ADAP1: variants seen among roughly 807,000 people sequenced by gnomAD.
The protein encoded by ADAP1 is arf-GAP with dual PH domain-containing protein 1.
In ADAP1, 31 loss-of-function variants were observed where a neutral mutation model predicts 54.9. The ratio of observed to expected loss-of-function variants is 0.56; its 90% CI spans 0.42 to 0.76. The LOEUF is 0.76. ADAP1 is among the 30% of genes least tolerant of loss of function. The pLI is 0.00. For missense variants in ADAP1, 535 were observed against 512.4 expected (o/e 1.04, Z -0.42); for synonymous variants, 313 against 202.6 (o/e 1.55, Z -4.63).
In ADAP1 at chr7:935,675, C is replaced by CA. The variant is rs369893951; in HGVS notation, c.83-171_83-170insT. ...CCACAGGCACCTAACCCCAGCTCCC[C>CA]CCCCGCCCTCTGCCCGGTGCAGACG... On this transcript the variant is annotated intron_variant, in intron 1 of 10. Transcript: ENST00000265846. 4.1e-3 allele frequency among the ~76,000 whole-genome samples: 629 copies of CA among 151,618 alleles called. 3 individuals are homozygous for CA. Among genetic ancestry groups the CA allele is most frequent in the African/African-American group, 0.014 (581 of 41,152 alleles).
At chr7:919,886 A>AGGGAGGGAAAGAGATGGGGG in intron 4 of ADAP1, 82 bp downstream of exon 4, 1 of 542,158 alleles carries the variant, frequency 1.8e-6, no homozygotes, top group East Asian at 6.3e-5. Flanking sequence ...GAGATGGGGG[A>AGGGAGGGAAAGAGATGGGGG]GGGAGGGAAA....
chr7:936,550 G>A (rs1027767559), intron 1 of ADAP1, among the ~76,000 whole-genome samples: 5 of 152,198 alleles, frequency 3.3e-5, no homozygotes, highest in African/African-American at 9.7e-5. Flanking sequence ...ATTCTGAAAC[G>A]GCAAAATGTG....
chr7:899,253 G>A lies in ADAP1; in HGVS notation c.876C>T (p.Phe292=), dbSNP rs776885517. The A allele has an allele frequency of 3.8e-5, 61 of 1,612,612 alleles. No individual in the cohort carries two copies. In the East Asian group the frequency reaches 5.8e-4, roughly 15 times the overall value. Residue 292 remains phenylalanine (F), a synonymous_variant, in exon 10 of 11, where the codon TTC becomes TTT. Coordinates refer to ENST00000265846, the MANE Select transcript of ADAP1 (RefSeq NM_006869.4). ...TGCCAATGAAGACTTCCCCTCGGGC[G>A]AAGGCGTCCTGTGGGTGGGGACCGC... The part of the protein sequence containing the change: ...LMYFKDPLDA[F]ARGEVFIGSK...
intron 1 of ADAP1, among the ~76,000 whole-genome samples, chr7:942,932 T>A (rs796425584): frequency 0.068 from 159 of 2,328 alleles, 2 homozygotes; most frequent in African/African-American, 0.22. Context: ...AGGAAGGGAG[T>A]GAGGAGGAGG....
Position 926,672 on chromosome 7 carries a change from G to T in ADAP1, c.214-28C>A, listed in dbSNP as rs1371029786. The T allele has an allele frequency of 4.6e-6, 7 of 1,521,940 alleles. No homozygotes were observed. The East Asian group carries it at 1.5e-4, about 34-fold the overall frequency. 94.3% of individuals were successfully genotyped at this position (1,521,940 alleles called of 1,614,324 possible). A position where few individuals can be genotyped will look rare whatever the true frequency, so the allele number is the denominator to read the frequency against. Reference sequence around the variant, plus strand: ...GCAAGAGAGGAGGGGCCGGGTCAGAGGCCTGGGGTCCCAGGGGCAGCCTAG... The same window carrying T: ...GCAAGAGAGGAGGGGCCGGGTCAGATGCCTGGGGTCCCAGGGGCAGCCTAG... On this transcript the variant is annotated intron_variant, in intron 2 of 10. Coordinates refer to ENST00000265846, the MANE Select transcript of ADAP1 (RefSeq NM_006869.4). This position sits in a 1 kb window ranked among gnomAD's most constrained non-coding sequence, Gnocchi z 4.6.
rs1312447337 is a variant in ADAP1 at position 920,214 on chromosome 7, G to A, written c.306-164C>T. 6.6e-6 allele frequency among the ~76,000 whole-genome samples: 1 copy of A among 152,128 alleles called. No individual in the cohort carries two copies. Among genetic ancestry groups the A allele is most frequent in the Non-Finnish European group, 1.5e-5 (1 of 68,004 alleles). ...AGATCCCGGAAGAAATGCAGGGTCAGCCTCCTGCCCGGGACGCTTCTCACT... is the reference window on the plus strand; with the variant it reads ...AGATCCCGGAAGAAATGCAGGGTCAACCTCCTGCCCGGGACGCTTCTCACT... On this transcript the variant is annotated intron_variant, in intron 3 of 10. Coordinates refer to ENST00000265846, the MANE Select transcript of ADAP1 (RefSeq NM_006869.4). The surrounding 1 kb of genome is among the most constrained non-coding windows in gnomAD (Gnocchi z 4.5).
rs997244419 is a variant in ADAP1, at chr7:920,169, G to A, written c.306-119C>T. On this transcript the variant is annotated intron_variant, in intron 3 of 10. Coordinates refer to ENST00000265846, the MANE Select transcript of ADAP1 (RefSeq NM_006869.4). The surrounding 1 kb of genome is among the most constrained non-coding windows in gnomAD (Gnocchi z 4.5). ...GCTCATAGGGACCCCCGGCAGACTCGAGCCGCCCCTCTGGGCACAAGATCC... is the reference window on the plus strand; with the variant it reads ...GCTCATAGGGACCCCCGGCAGACTCAAGCCGCCCCTCTGGGCACAAGATCC... The A allele has an allele frequency of 3.3e-5, 27 of 808,234 alleles. No homozygotes were observed. The highest frequency in any genetic ancestry group is 5.6e-5 in the East Asian group (2 of 35,908). 50.1% of individuals were successfully genotyped at this position (808,234 alleles called of 1,614,324 possible).
At position 954,462 on chromosome 7, in the gene ADAP1, G is replaced by A. The variant is rs1485127342; in HGVS notation, c.16C>T (p.Arg6Cys). The A allele has an allele frequency of 3.8e-6, 4 of 1,062,256 alleles. No individual in the cohort carries two copies. The highest frequency in any genetic ancestry group is 5.5e-5 in the Admixed American group (1 of 18,326). The allele number at this position is 1,062,256 out of a possible 1,614,324, so 65.8% of individuals were successfully genotyped here. Residue 6 changes from arginine (R) to cysteine (C), a missense_variant, in exon 1 of 11, where the codon CGC (arginine) becomes TGC (cysteine). Physicochemically the swap from Arg to Cys is radical, Grantham distance 180 (BLOSUM62 -3). Coordinates refer to ENST00000265846, the MANE Select transcript of ADAP1 (RefSeq NM_006869.4). ...TGCAGCAGCTCCAGGACCGCCCTGC[G>A]CCGCTCCTTGGCCATGGCCGCGATG... Reference protein sequence around the residue: MAKERRRAVLELLQRP... With the variant: MAKERCRAVLELLQRP...
In ADAP1 at chr7:899,043, C is replaced by T; in HGVS notation, c.1086G>A (p.Gln362=). 1 of 1,609,386 alleles carries T rather than the reference C, an allele frequency of 6.2e-7. No individual in the cohort carries two copies. Among genetic ancestry groups the T allele is most frequent in the Non-Finnish European group, 8.5e-7 (1 of 1,179,890 alleles). Residue 362 remains glutamine, a synonymous_variant, in exon 10 of 11, where the codon CAG becomes CAA. Transcript: ENST00000265846. ...QKAVDRPMLP[Q]EYAVEAHFKH... ...GCCCGCCCCCCTCACCTGCGTACTCCTGGGGCAGCATGGGCCTGTCCACCG... is the reference window on the plus strand; with the variant it reads ...GCCCGCCCCCCTCACCTGCGTACTCTTGGGGCAGCATGGGCCTGTCCACCG...
intron 4 of ADAP1, among the ~76,000 whole-genome samples, chr7:906,491 G>GA (rs1346405275): frequency 0.024 from 299 of 12,586 alleles, 1 homozygote; most frequent in East Asian, 0.03. Flanking sequence ...AAGGAGAAAG[G>GA]GAAAGGAGAA....
chr7:905,299 A>AGACGGGCG (rs1845073853), intron 4 of ADAP1, 127 bp from the exon 5 acceptor site: 2 of 172,156 alleles, frequency 1.2e-5, no homozygotes, highest in African/African-American at 9.2e-5. Flanking sequence ...GGACACGGAC[A>AGACGGGCG]GGGGGAGACG....
chr7:934,430 C>T (rs1407942039), intron 2 of ADAP1, among the ~76,000 whole-genome samples: 2 of 152,138 alleles, frequency 1.3e-5, no homozygotes, highest in African/African-American at 4.8e-5. Flanking sequence ...AGGGGAGAGA[C>T]ATGTACAGGA....
chr7:916,706 C>G (rs1350838273), intron 4 of ADAP1, among the ~76,000 whole-genome samples: 1 of 152,116 alleles, frequency 6.6e-6, no homozygotes, highest in Non-Finnish European at 1.5e-5. Context: ...TCTGGGTAGA[C>G]AGTAATTGAA....
At chr7:903,964 C>A in intron 6 of ADAP1, 162 bp downstream of exon 6, 2 of 922,184 alleles carry the variant, frequency 2.2e-6, no homozygotes, top group Non-Finnish European at 1.6e-6. Context: ...CGTCCAAGCA[C>A]CCGCCTTCCC....
At chr7:903,869 G>A (rs748968972) in intron 6 of ADAP1, 87 of 432,214 alleles carry the variant, frequency 2.0e-4, no homozygotes, top group South Asian at 7.1e-4. Flanking sequence ...GTGGTGATCC[G>A]GCTCCTGGGC....
In ADAP1 at chr7:899,148, G is replaced by A. The variant is rs371003070; in HGVS notation, c.981C>T (p.Ile327=). 3.8e-5 allele frequency: 62 copies of A among 1,610,964 alleles called. No homozygotes were observed. Among genetic ancestry groups the A allele is most frequent in the Admixed American group, 8.3e-5 (5 of 60,012 alleles). The change falls in exon 10 of 11, where the codon ATC becomes ATT. Residue 327 remains isoleucine, a synonymous_variant. Transcript: ENST00000265846. ...ACAGAAACTTGCGGTCGGGCGTGAC[G>A]ATGGTGATGCCATGTGGCCAGTGGT... ...QGHHWPHGIT[I]VTPDRKFLFA...
chr7:953,573 G>C (rs73256044), intron 1 of ADAP1, among the ~76,000 whole-genome samples: 5,631 of 152,338 alleles, frequency 0.037, 341 homozygotes, highest in African/African-American at 0.13. Flanking sequence ...TGGTGTGCCT[G>C]GGGTGGCGGG....
rs397974547 is a variant in ADAP1, at chr7:905,277, G to GGAGA, written c.389-106_389-105insTCTC. The GGAGA allele has an allele frequency of 1.9e-4, 74 of 393,044 alleles. 7 individuals are homozygous for GGAGA. The African/African-American group carries it at 7.1e-3, about 38-fold the overall frequency. The allele number at this position is 393,044 out of a possible 1,614,324, so 24.3% of individuals were successfully genotyped here. Reference sequence around the variant, plus strand: ...GGGGACATGGGGAGAAGACACGGGGGACACGGACGGGGGACACGGACAGGG... The same window carrying GGAGA: ...GGGGACATGGGGAGAAGACACGGGGGGAGAACACGGACGGGGGACACGGACAGGG... On this transcript the variant is annotated intron_variant, in intron 4 of 10. Transcript: ENST00000265846.
chr7:946,331 G>GCCCAGGC lies in ADAP1; in HGVS notation c.82+8058_82+8064dup, dbSNP rs573747825. On this transcript the variant is annotated intron_variant, in intron 1 of 10. Coordinates refer to ENST00000265846, the MANE Select transcript of ADAP1 (RefSeq NM_006869.4). This position sits in a 1 kb window ranked among gnomAD's most constrained non-coding sequence, Gnocchi z 4.3. ...GGCTGGCAGCCCACACCTCCTCTCT[G>GCCCAGGC]CCCAGGCCCCAGGCCCCCACCCCCT... Among the ~76,000 whole-genome samples, 321 of 152,082 alleles carry GCCCAGGC rather than the reference G, an allele frequency of 2.1e-3. 3 individuals are homozygous for GCCCAGGC. The highest frequency in any genetic ancestry group is 7.2e-3 in the African/African-American group (300 of 41,484).
Sources: allele counts gnomAD v4.1 joint callset (sites outside exome capture counted in the v4.1 genomes callset), GRCh38; gene constraint gnomAD v4.1.1; non-coding constraint Gnocchi (gnomAD v3.1); transcripts MANE v1.5; gene names NCBI Gene and HGNC (gene_info 2026-07-23, HGNC 2026-07-21).